BCAS3: variants seen among roughly 807,000 people sequenced by gnomAD.
BCAS3 encodes BCAS3 microtubule associated cell migration factor.
In BCAS3, 53 loss-of-function variants were observed where a neutral mutation model predicts 116.1. The observed-to-expected ratio is 0.46, with a 90% CI of 0.37 to 0.57. The LOEUF is 0.57. Among genes scored for constraint, BCAS3 ranks in the 20% least tolerant of loss-of-function variants. The pLI, the probability that BCAS3 is intolerant of heterozygous loss-of-function variation, is 0.00. For synonymous variants in BCAS3, 391 were observed against 408.2 expected (o/e 0.96, Z 0.51); for missense variants, 917 against 1,165.4 (o/e 0.79, Z 3.10).
intron 22 of BCAS3, among the ~76,000 whole-genome samples, chr17:61,322,820 G>GAGAC (rs2055366472): frequency 7.7e-6 from 1 of 130,468 alleles, no homozygotes; most frequent in Non-Finnish European, 1.6e-5. Flanking sequence ...GAGAGAGAGA[G>GAGAC]AGAGAGAGAC....
chr17:60,837,718 A>G (rs1258451184), intron 7 of BCAS3, among the ~76,000 whole-genome samples: 3 of 151,264 alleles, frequency 2.0e-5, no homozygotes, highest in African/African-American at 4.9e-5. Context: ...CAGTAGCACA[A>G]TCTTGGCTCA....
At chr17:61,045,894 A>AT (rs1724097806) in intron 19 of BCAS3, among the ~76,000 whole-genome samples, 1 of 34,908 alleles carries the variant, frequency 2.9e-5, no homozygotes, top group South Asian at 7.6e-4. Flanking sequence ...TTATATATAT[A>AT]ATATATATAA....
At chr17:60,976,669 T>C (rs958146730) in intron 14 of BCAS3, among the ~76,000 whole-genome samples, 1 of 152,164 alleles carries the variant, frequency 6.6e-6, no homozygotes, top group Non-Finnish European at 1.5e-5. Flanking sequence ...TTCAAGCATC[T>C]GTTTAACAGA....
At chr17:60,759,074 A>G (rs1173945101) in intron 6 of BCAS3, among the ~76,000 whole-genome samples, 2 of 149,550 alleles carry the variant, frequency 1.3e-5, no homozygotes, top group African/African-American at 4.9e-5. Context: ...CCCGGGTTCT[A>G]TCGATTCTCC....
Position 60,900,232 on chromosome 17 carries a change from C to T in BCAS3, c.739-2388C>T, listed in dbSNP as rs565314716. ...AAAGAAAAGAAAAAGAAAATATTGT[C>T]TTGCTATAGCCACTTAGGTATCAGA... On this transcript the variant is annotated intron_variant, in intron 10 of 23. Coordinates refer to ENST00000407086, the MANE Select transcript of BCAS3 (RefSeq NM_017679.5). 4.6e-5 allele frequency: 7 copies of T among 151,830 alleles called. 1 individual carries two copies. The East Asian group carries it at 1.4e-3, about 29-fold the overall frequency. The allele number at this position is 151,830 out of a possible 1,614,324, so 9.4% of individuals were successfully genotyped here.
rs547476189 is a variant in BCAS3, at chr17:61,059,232, G to A, written c.2030-15688G>A. ...CGAGTAGCTGGGACTACAGGCGCCC[G>A]CCATCACGCCTGGCTAATTTTTTGT... On this transcript the variant is annotated intron_variant, in intron 19 of 23. Coordinates refer to ENST00000407086, the MANE Select transcript of BCAS3 (RefSeq NM_017679.5). 2.6e-3 allele frequency among the ~76,000 whole-genome samples: 400 copies of A among 151,488 alleles called. 3 individuals carry two copies. The highest frequency in any genetic ancestry group is 9.3e-3 in the African/African-American group (384 of 41,332).
At chr17:60,975,811 T>G (rs11079407) in intron 14 of BCAS3, among the ~76,000 whole-genome samples, 23,084 of 152,110 alleles carry the variant, frequency 0.15, 5,552 homozygotes, top group African/African-American at 0.51. Context: ...TTTTATGTCT[T>G]GTTTCTTTCA....
At position 61,239,102 on chromosome 17, in the gene BCAS3, C is replaced by T. The variant is rs536623852; in HGVS notation, c.2426-129225C>T. The stretch of plus-strand genomic sequence containing the variant: ...TTCCTAGGTGTGCCAGGTAGGTTGG[C>T]ATTCACAGTTCTCAGGAGACAATCA... On this transcript the variant is annotated intron_variant, in intron 22 of 23. Coordinates refer to ENST00000407086, the MANE Select transcript of BCAS3 (RefSeq NM_017679.5). The surrounding 1 kb of genome is among the most constrained non-coding windows in gnomAD (Gnocchi z 4.2). Among the ~76,000 whole-genome samples, 15 of 152,264 alleles carry T rather than the reference C, an allele frequency of 9.9e-5. No homozygotes were observed. The East Asian group carries it at 2.9e-3, about 29-fold the overall frequency.
intron 22 of BCAS3, among the ~76,000 whole-genome samples, chr17:61,294,908 A>T (rs768292564): frequency 6.6e-6 from 1 of 152,108 alleles, no homozygotes; most frequent in Non-Finnish European, 1.5e-5. Context: ...CTCTGCCCCT[A>T]TGGTGCCTTC....
At position 61,223,080 on chromosome 17, in the gene BCAS3, C is replaced by T. The variant is rs141512569; in HGVS notation, c.2425+138516C>T. Among the ~76,000 whole-genome samples, 289 of 151,250 alleles carry T rather than the reference C, an allele frequency of 1.9e-3. 2 individuals are homozygous for T. Among genetic ancestry groups the T allele is most frequent in the African/African-American group, 6.8e-3 (279 of 41,116 alleles). ...ATCTCCCTTTCCTGAATCACAACTG[C>T]AGTTGGTAATTGTGGAATGCATTTC... On this transcript the variant is annotated intron_variant, in intron 22 of 23. Transcript: ENST00000407086.
At chr17:60,939,568 A>C (rs2060118744) in intron 13 of BCAS3, among the ~76,000 whole-genome samples, 3 of 152,240 alleles carry the variant, frequency 2.0e-5, no homozygotes, top group Non-Finnish European at 4.4e-5. Flanking sequence ...ATAGACTGAG[A>C]AAATATTGTG....
intron 5 of BCAS3, among the ~76,000 whole-genome samples, chr17:60,713,902 C>G (rs1013368977): frequency 2.0e-5 from 3 of 152,090 alleles, no homozygotes; most frequent in African/African-American, 7.2e-5. Context: ...GGGGTGATCT[C>G]GGCTCACTGC....
rs56746795 is a variant in BCAS3, at chr17:61,062,098, A to G, written c.2030-12822A>G. On this transcript the variant is annotated intron_variant, in intron 19 of 23. Transcript: ENST00000407086. The stretch of plus-strand genomic sequence containing the variant: ...ATATATCTGATTTGTTTGCTTGCAT[A>G]TATTGACTATGGTGTGCTGCACCAT... 2.9e-3 allele frequency among the ~76,000 whole-genome samples: 449 copies of G among 152,284 alleles called. 4 individuals are homozygous for G. The highest frequency in any genetic ancestry group is 0.01 in the African/African-American group (431 of 41,576).
rs1468308084 is a variant in BCAS3 at position 61,228,845 on chromosome 17, G to C, written c.2426-139482G>C. ...TCTAAGTGTTCAAGTGTAAAAAAGA[G>C]GTTCGCCTCTCACTTTAAATCAAAA... On this transcript the variant is annotated intron_variant, in intron 22 of 23. Coordinates refer to ENST00000407086, the MANE Select transcript of BCAS3 (RefSeq NM_017679.5). This position sits in a 1 kb window ranked among gnomAD's most constrained non-coding sequence, Gnocchi z 5.0. Among the ~76,000 whole-genome samples the C allele has an allele frequency of 6.6e-6, 1 of 152,134 alleles. No individual in the cohort carries two copies. Among genetic ancestry groups the C allele is most frequent in the East Asian group, 1.9e-4 (1 of 5,200 alleles).
intron 10 of BCAS3, among the ~76,000 whole-genome samples, chr17:60,890,847 T>C (rs1305006641): frequency 1.3e-5 from 2 of 152,192 alleles, no homozygotes; most frequent in African/African-American, 2.4e-5. Flanking sequence ...AAATAGTTCT[T>C]GACAAAATTA....
Position 61,070,366 on chromosome 17 carries a change from A to AATATATATATATATATATATAT in BCAS3, c.2030-4541_2030-4520dup, listed in dbSNP as rs55736464. On this transcript the variant is annotated intron_variant, in intron 19 of 23. Transcript: ENST00000407086. ...AACTGAGTCCAGCTGCCTAATTCTG[A>AATATATATATATATATATATAT]ATATATATATATATATATATATATA... 1.6e-4 allele frequency: 50 copies of AATATATATATATATATATATAT among 314,132 alleles called. 2 individuals carry two copies. The highest frequency in any genetic ancestry group is 3.7e-4 in the East Asian group (4 of 10,940). 19.5% of individuals were successfully genotyped at this position (314,132 alleles called of 1,614,324 possible).
chr17:61,338,279 G>A (rs1290627478), intron 22 of BCAS3, among the ~76,000 whole-genome samples: 5 of 152,180 alleles, frequency 3.3e-5, no homozygotes, highest in Admixed American at 3.3e-4. Context: ...GATTATTGCA[G>A]TATTTTTGGC....
chr17:60,889,576 A>T (rs2056992604), intron 9 of BCAS3, 119 bp from the exon 10 acceptor site: 3 of 795,434 alleles, frequency 3.8e-6, no homozygotes, highest in Non-Finnish European at 6.2e-6. Flanking sequence ...CAGGAATTTT[A>T]TGTGAGACTT....
chr17:61,267,621 TCCTGGATTACAGG>T (rs2049852498), intron 22 of BCAS3, among the ~76,000 whole-genome samples: 1 of 129,140 alleles, frequency 7.7e-6, no homozygotes, highest in Non-Finnish European at 1.7e-5. Flanking sequence ...CCTGTAATCC[TCCTGGATTACAGG>T]CACACATCAC....
Sources: allele counts gnomAD v4.1 joint callset (sites outside exome capture counted in the v4.1 genomes callset), GRCh38; gene constraint gnomAD v4.1.1; non-coding constraint Gnocchi (gnomAD v3.1); transcripts MANE v1.5; gene names NCBI Gene and HGNC (gene_info 2026-07-23, HGNC 2026-07-21).